NUP93: variants seen among roughly 807,000 people sequenced by gnomAD.
NUP93 encodes nuclear pore complex protein Nup93.
Under a neutral mutation model 107.8 loss-of-function variants are expected in NUP93, and 55 were observed. That is an observed-to-expected ratio of 0.51 (90% CI 0.41 to 0.64). NUP93 has a LOEUF of 0.64. NUP93 is among the 30% of genes least tolerant of loss of function. NUP93 has a pLI of 0.00. For missense variants in NUP93, 937 were observed against 1,044.7 expected (o/e 0.90, Z 1.42); for synonymous variants, 390 against 397.5 (o/e 0.98, Z 0.22).
chr16:56,777,023 TGTGTGTGTGTGCACGCAC>T (rs1222973144), intron 3 of NUP93, among the ~76,000 whole-genome samples: 1 of 151,972 alleles, frequency 6.6e-6, no homozygotes, highest in Non-Finnish European at 1.5e-5. Context: ...AGAGTGAGCG[TGTGTGTGTGTGCACGCAC>T]GTGTGTGTGT....
intron 8 of NUP93, among the ~76,000 whole-genome samples, chr16:56,825,831 A>C (rs1341085194): frequency 1.3e-5 from 2 of 152,060 alleles, no homozygotes; most frequent in Non-Finnish European, 2.9e-5. Context: ...GTGAGCATTC[A>C]TTGTCACCTT....
At position 56,847,685 on chromosome 16, in the gene NUP93, A is replaced by G. The variant is rs1964132029; in HGVS notation, c.*3076A>G. 1 of 152,218 alleles carries G rather than the reference A, an allele frequency of 6.6e-6. No individual in the cohort carries two copies. The highest frequency in any genetic ancestry group is 1.5e-5 in the Non-Finnish European group (1 of 68,036). The allele number at this position is 152,218 out of a possible 1,614,324, so 9.4% of individuals were successfully genotyped here. On this transcript the variant is annotated 3_prime_UTR_variant, in exon 22 of 22. Transcript: ENST00000308159. The stretch of plus-strand genomic sequence containing the variant: ...TTTGACTCCCCAACTTCAGAGGGAA[A>G]ACTGAAGCGAAACTGGTGAGCTCTG...
At chr16:56,740,429 G>A (rs1961709380) in intron 1 of NUP93, among the ~76,000 whole-genome samples, 1 of 151,734 alleles carries the variant, frequency 6.6e-6, no homozygotes, top group African/African-American at 2.4e-5. Flanking sequence ...CAGAGGATGG[G>A]CGGCCAGGCA....
Position 56,805,596 on chromosome 16 carries a change from A to C in NUP93, c.453A>C (p.Ser151=), listed in dbSNP as rs1249815060. The C allele has an allele frequency of 8.1e-6, 13 of 1,614,126 alleles. No individual in the cohort carries two copies. Among genetic ancestry groups the C allele is most frequent in the Non-Finnish European group, 1.1e-5 (13 of 1,179,976 alleles). ...KQRILHTLLA[S]GEDALDFTQE... is the part of the protein sequence containing the mutation. ...GAATTCTGCACACACTGCTGGCATC[A>C]GGAGAAGACGCCCTTGACTTTACTC... The change falls in exon 5 of 22, where the codon TCA becomes TCC. Residue 151 remains serine, a synonymous_variant. Coordinates refer to ENST00000308159, the MANE Select transcript of NUP93 (RefSeq NM_014669.5).
intron 13 of NUP93, 44 bp downstream of exon 13, chr16:56,833,450 G>C: frequency 6.9e-7 from 1 of 1,450,044 alleles, no homozygotes; most frequent in Non-Finnish European, 9.1e-7. Flanking sequence ...ACCACAGCAC[G>C]TCCCCCTTGG....
chr16:56,802,104 G>A (rs987271723), intron 4 of NUP93, among the ~76,000 whole-genome samples: 5 of 152,140 alleles, frequency 3.3e-5, no homozygotes, highest in South Asian at 2.1e-4. Flanking sequence ...GCTGTATAGC[G>A]TATCAACCTC....
In NUP93 at chr16:56,814,430, T is replaced by G. The variant is rs528126203; in HGVS notation, c.490-4234T>G. ...TTCTTGAACTCCTGGACTCAAGTGA[T>G]CCGCCTGCCTCAGCCTCCCAAAGTG... On this transcript the variant is annotated intron_variant, in intron 5 of 21. Transcript: ENST00000308159. Among the ~76,000 whole-genome samples, 69 of 152,318 alleles carry G rather than the reference T, an allele frequency of 4.5e-4. 1 individual carries two copies. The highest frequency in any genetic ancestry group is 2.9e-3 in the South Asian group (14 of 4,826).
chr16:56,828,920 G>A (rs1963723273), intron 8 of NUP93, 57 bp from the exon 9 acceptor site: 1 of 1,565,714 alleles, frequency 6.4e-7, no homozygotes, highest in East Asian at 2.2e-5. Flanking sequence ...TATGGGCATA[G>A]AGATGTGTAA....
intron 5 of NUP93, among the ~76,000 whole-genome samples, chr16:56,810,791 T>A (rs139141115): frequency 9.6e-6 from 1 of 104,666 alleles, no homozygotes; most frequent in East Asian, 2.1e-4. Flanking sequence ...AAATCCTCTT[T>A]GTGGTCCTTT....
At position 56,798,484 on chromosome 16, in the gene NUP93, G is replaced by A. The variant is rs745520675; in HGVS notation, c.306G>A (p.Leu102=). The A allele has an allele frequency of 4.0e-5, 65 of 1,614,020 alleles. 1 individual carries two copies. The East Asian group carries it at 1.4e-3, about 35-fold the overall frequency. Residue 102 remains leucine (L), a synonymous_variant, in exon 4 of 22, where the codon CTG becomes CTA. Transcript: ENST00000308159. ...TTTTCCCCCATTTATAGGGCTTCCT[G>A]AAGAATGAGAAGGACAATGCCCTGC... The part of the protein sequence containing the change: ...PVKDTDIQGF[L]KNEKDNALLS...
chr16:56,831,291 G>C (rs1263841855), intron 10 of NUP93, among the ~76,000 whole-genome samples: 10 of 152,196 alleles, frequency 6.6e-5, no homozygotes. Flanking sequence ...GGCGGTTACT[G>C]TAGCTGTACT....
At chr16:56,782,289 A>T in intron 3 of NUP93, 1 of 845,344 alleles carries the variant, frequency 1.2e-6, no homozygotes. Flanking sequence ...ATGTTGTTGC[A>T]GTGCCTCTGA....
chr16:56,772,081 A>G (rs1962332347), intron 3 of NUP93, among the ~76,000 whole-genome samples: 1 of 150,206 alleles, frequency 6.7e-6, no homozygotes. Flanking sequence ...TGTTCTTTGC[A>G]TCCCTCTCTC....
intron 5 of NUP93, among the ~76,000 whole-genome samples, chr16:56,815,852 A>C (rs1296487633): frequency 2.0e-5 from 2 of 99,956 alleles, no homozygotes; most frequent in Admixed American, 2.0e-4. Context: ...CAGGATTTCC[A>C]GCTACTACTG....
rs1465379336 is a variant in NUP93 at position 56,808,094 on chromosome 16, TAC to T, written c.489+2470_489+2471del. Among the ~76,000 whole-genome samples the T allele has an allele frequency of 2.4e-4, 32 of 133,866 alleles. 2 individuals are homozygous for T. The highest frequency in any genetic ancestry group is 7.0e-4 in the African/African-American group (25 of 35,848). The allele number at this position is 133,866 out of a possible 152,430, so 87.8% of individuals were successfully genotyped here. A position where few individuals can be genotyped will look rare whatever the true frequency, so the allele number is the denominator to read the frequency against. ...ATATAAATATAAAAATATATAAATA[TAC>T]ACACACATATAAATATATATTATAT... is the stretch of plus-strand genomic sequence containing the variant. On this transcript the variant is annotated intron_variant, in intron 5 of 21. Coordinates refer to ENST00000308159, the MANE Select transcript of NUP93 (RefSeq NM_014669.5).
Position 56,844,741 on chromosome 16 carries a change from C to T in NUP93, c.*132C>T, listed in dbSNP as rs564674500. 234 of 415,912 alleles carry T rather than the reference C, an allele frequency of 5.6e-4. No homozygotes were observed. The highest frequency in any genetic ancestry group is 2.9e-3 in the African/African-American group (140 of 48,618). 25.8% of individuals were successfully genotyped at this position (415,912 alleles called of 1,614,324 possible). A position where few individuals can be genotyped will look rare whatever the true frequency, so the allele number is the denominator to read the frequency against. ...TTTCTGTATTATGTATTTTTGTCAA[C>T]GCCAATAAATTTCTTTGATTTGTAT... On this transcript the variant is annotated 3_prime_UTR_variant, in exon 22 of 22. Coordinates refer to ENST00000308159, the MANE Select transcript of NUP93 (RefSeq NM_014669.5).
At chr16:56,826,563 T>TTTG (rs1963664441) in intron 8 of NUP93, among the ~76,000 whole-genome samples, 2 of 151,564 alleles carry the variant, frequency 1.3e-5, no homozygotes, top group Non-Finnish European at 2.9e-5. Flanking sequence ...CTCATTAACA[T>TTTG]TTGTTAAATT....
intron 21 of NUP93, among the ~76,000 whole-genome samples, chr16:56,843,197 A>G (rs1342365730): frequency 6.6e-6 from 1 of 152,242 alleles, no homozygotes; most frequent in Non-Finnish European, 1.5e-5. Flanking sequence ...TCTAAATGTC[A>G]GATGTGCCAG....
chr16:56,808,759 A>T (rs370376757), intron 5 of NUP93, among the ~76,000 whole-genome samples: 11 of 144,332 alleles, frequency 7.6e-5, no homozygotes, highest in Admixed American at 4.2e-4. Flanking sequence ...TAAATATATA[A>T]AAATACATAT....
Sources: gnomAD v4.1 joint callset for allele counts (sites outside exome capture counted in the v4.1 genomes callset) on GRCh38, gnomAD v4.1.1 for gene constraint, MANE v1.5 for transcripts, NCBI Gene and HGNC (gene_info 2026-07-23, HGNC 2026-07-21) for gene names.